The following ENTPD4 variants were observed in gnomAD, a reference collection of about 807,000 sequenced individuals.
ENTPD4 encodes Golgi UDPase.
A neutral mutation model predicts 79.1 loss-of-function variants in ENTPD4; 60 were observed. The ratio of observed to expected loss-of-function variants is 0.76; its 90% confidence interval spans 0.62 to 0.94. The LOEUF (loss-of-function observed/expected upper bound fraction) is 0.94, where lower values mean the gene tolerates loss of function less well. Among genes scored for constraint, ENTPD4 ranks in the 40% least tolerant of loss-of-function variants. ENTPD4 has a pLI of 0.00. For missense variants in ENTPD4, 772 were observed against 775.1 expected (o/e 1.00, Z 0.05); for synonymous variants, 276 against 292.0 (o/e 0.95, Z 0.56).
Position 23,447,883 on chromosome 8 carries a change from T to G in ENTPD4, c.209A>C (p.Tyr70Ser). ...TTCAATGTCGGTAACTCGTGCCAGG[T>G]ACCTTGTATAGAAACACACGTATGC... ...RLTRDKKFQR[Y>S]LARVTDIEAT... The change falls in exon 4 of 13, where the codon TAC becomes TCC. Residue 70 changes from tyrosine (Y) to serine (S), a missense_variant and splice_region_variant. Tyr to Ser is a moderately radical substitution (Grantham distance 144). Transcript: ENST00000358689. 6.2e-7 allele frequency: 1 copy of G among 1,613,702 alleles called. No homozygotes were observed. The highest frequency in any genetic ancestry group is 8.5e-7 in the Non-Finnish European group (1 of 1,179,568).
At position 23,430,549 on chromosome 8, in the gene ENTPD4, C is replaced by G. The variant is rs1585397201; in HGVS notation, c.*2377G>C. 1 of 983,988 alleles carries G rather than the reference C, an allele frequency of 1.0e-6. No homozygotes were observed. Among genetic ancestry groups the G allele is most frequent in the Non-Finnish European group, 1.2e-6 (1 of 828,774 alleles). 61.0% of individuals were successfully genotyped at this position (983,988 alleles called of 1,614,324 possible). ...ATTTTAGTAAATATTCTAGGCTTTACAGGCCACATATAGTGTCTGCTGCAT... is the reference window on the plus strand; with the variant it reads ...ATTTTAGTAAATATTCTAGGCTTTAGAGGCCACATATAGTGTCTGCTGCAT... On this transcript the variant is annotated 3_prime_UTR_variant, in exon 13 of 13. Transcript: ENST00000358689.
intron 1 of ENTPD4, among the ~76,000 whole-genome samples, chr8:23,453,199 T>G (rs1343520007): frequency 6.6e-6 from 1 of 152,208 alleles, no homozygotes; most frequent in African/African-American, 2.4e-5. Flanking sequence ...TTAGTTCAAG[T>G]TTTAATATGG....
chr8:23,452,803 A>G (rs948320268), intron 1 of ENTPD4, among the ~76,000 whole-genome samples: 4 of 152,244 alleles, frequency 2.6e-5, no homozygotes, highest in African/African-American at 9.6e-5. Context: ...TGCATTCCTA[A>G]GAATCAATGC....
intron 8 of ENTPD4, 27 bp downstream of exon 8, chr8:23,441,542 C>A (rs1296720502): frequency 1.4e-5 from 22 of 1,604,494 alleles, no homozygotes; most frequent in Non-Finnish European, 1.8e-5. Context: ...CCAAACCAAA[C>A]AGAAGGAAAT....
chr8:23,448,611 T>C (rs1389427954), intron 3 of ENTPD4, 131 bp downstream of exon 3: 10 of 727,818 alleles, frequency 1.4e-5, no homozygotes, highest in African/African-American at 8.9e-5. Flanking sequence ...TCCCAACCTC[T>C]AGAACAGTTA....
intron 11 of ENTPD4, among the ~76,000 whole-genome samples, chr8:23,435,089 G>T (rs1800531780): frequency 6.6e-6 from 1 of 152,220 alleles, no homozygotes; most frequent in Admixed American, 6.5e-5. Flanking sequence ...TGATTGAGGG[G>T]ACAGAGGAAG....
intron 12 of ENTPD4, among the ~76,000 whole-genome samples, chr8:23,433,415 C>A (rs539285128): frequency 6.6e-6 from 1 of 152,184 alleles, no homozygotes; most frequent in Middle Eastern, 3.2e-3. Context: ...GTGAAGGTTT[C>A]GCTGATACAA....
At position 23,448,774 on chromosome 8, in the gene ENTPD4, A is replaced by G. The variant is rs747800039; in HGVS notation, c.174T>C (p.Tyr58=). The change falls in exon 3 of 13, where the codon TAT becomes TAC. Residue 58 remains tyrosine, a synonymous_variant. Coordinates refer to ENST00000358689, the MANE Select transcript of ENTPD4 (RefSeq NM_004901.5). Reference sequence around the variant, plus strand: ...ATTTCTTGTCTCTGGTTAGTCGCCCATACTTATTTCGGATTATGACAACAG... The same window carrying G: ...ATTTCTTGTCTCTGGTTAGTCGCCCGTACTTATTTCGGATTATGACAACAG... ...YFSVVIIRNK[Y]GRLTRDKKFQ... is the part of the protein sequence containing the mutation. The G allele has an allele frequency of 9.3e-6, 15 of 1,614,072 alleles. No individual in the cohort carries two copies. The East Asian group carries it at 3.1e-4, about 34-fold the overall frequency.
rs1400496799 is a variant in ENTPD4 at position 23,431,702 on chromosome 8, G to C, written c.*1224C>G. On this transcript the variant is annotated 3_prime_UTR_variant, in exon 13 of 13. Transcript: ENST00000358689. ...TGACTTTTAATTAAGGGGGGTGGGG[G>C]AAACACCAATTGGAAGCTGGAAGAA... The C allele has an allele frequency of 1.0e-6, 1 of 985,382 alleles. No individual in the cohort carries two copies. The highest frequency in any genetic ancestry group is 1.2e-6 in the Non-Finnish European group (1 of 830,064). The allele number at this position is 985,382 out of a possible 1,614,324, so 61.0% of individuals were successfully genotyped here. A position where few individuals can be genotyped will look rare whatever the true frequency, so the allele number is the denominator to read the frequency against.
At position 23,430,715 on chromosome 8, in the gene ENTPD4, A is replaced by G; in HGVS notation, c.*2211T>C. 1 of 985,486 alleles carries G rather than the reference A, an allele frequency of 1.0e-6. No homozygotes were observed. The highest frequency in any genetic ancestry group is 1.2e-6 in the Non-Finnish European group (1 of 829,984). 61.0% of individuals were successfully genotyped at this position (985,486 alleles called of 1,614,324 possible). A position where few individuals can be genotyped will look rare whatever the true frequency, so the allele number is the denominator to read the frequency against. ...TAACTCTTCTATGCCCAGAGCTGGA[A>G]GGCGGGGTCCCCTAACTCCCTGGGT... On this transcript the variant is annotated 3_prime_UTR_variant, in exon 13 of 13. Transcript: ENST00000358689.
At chr8:23,441,202 T>C (rs778291898) in intron 8 of ENTPD4, among the ~76,000 whole-genome samples, 70 of 151,778 alleles carry the variant, frequency 4.6e-4, no homozygotes, top group Admixed American at 2.8e-3. Context: ...TCTGAACCAT[T>C]AAAAAAAAGA....
chr8:23,440,147 C>T (rs1232560059), intron 8 of ENTPD4: 2 of 457,982 alleles, frequency 4.4e-6, no homozygotes, highest in Non-Finnish European at 7.8e-6. Flanking sequence ...AGAAAGTCAG[C>T]AAAATAGTTC....
At chr8:23,457,389 G>T (rs1342997644) in intron 1 of ENTPD4, among the ~76,000 whole-genome samples, 168 bp downstream of exon 1, 1 of 152,106 alleles carries the variant, frequency 6.6e-6, no homozygotes, top group Non-Finnish European at 1.5e-5. Flanking sequence ...GCGCGGCAGG[G>T]GAGGCGGGAA....
intron 8 of ENTPD4, among the ~76,000 whole-genome samples, chr8:23,440,548 G>T (rs944440923): frequency 6.6e-6 from 1 of 152,082 alleles, no homozygotes; most frequent in Non-Finnish European, 1.5e-5. Context: ...TTTATATTGA[G>T]AGGGAAAAAC....
At chr8:23,450,732 T>C (rs116483180) in intron 1 of ENTPD4, among the ~76,000 whole-genome samples, 249 of 152,264 alleles carry the variant, frequency 1.6e-3, no homozygotes, top group African/African-American at 5.3e-3. Context: ...CTACAATCAT[T>C]ACTGAGGCTT....
intron 1 of ENTPD4, among the ~76,000 whole-genome samples, chr8:23,451,172 T>A (rs942156794): frequency 2.6e-5 from 4 of 151,710 alleles, no homozygotes; most frequent in Non-Finnish European, 5.9e-5. Flanking sequence ...CAGGCGCCCG[T>A]CACCACTCCC....
intron 3 of ENTPD4, among the ~76,000 whole-genome samples, chr8:23,448,505 C>T (rs1245879733): frequency 1.3e-5 from 2 of 152,176 alleles, no homozygotes; most frequent in African/African-American, 2.4e-5. Flanking sequence ...ACCCCCTTTC[C>T]ATCATGTGAG....
intron 4 of ENTPD4, among the ~76,000 whole-genome samples, chr8:23,445,347 C>A (rs1800747330): frequency 6.6e-6 from 1 of 152,162 alleles, no homozygotes; most frequent in Admixed American, 6.5e-5. Context: ...CCAAAGGATG[C>A]CTCTTCAGGC....
At chr8:23,450,884 T>C (rs1800847695) in intron 1 of ENTPD4, among the ~76,000 whole-genome samples, 1 of 152,142 alleles carries the variant, frequency 6.6e-6, no homozygotes, top group South Asian at 2.1e-4. Context: ...ACAACTGCAA[T>C]CTTCTCCCCT....
Sources: allele counts gnomAD v4.1 joint callset (sites outside exome capture counted in the v4.1 genomes callset), GRCh38; gene constraint gnomAD v4.1.1; transcripts MANE v1.5; gene names NCBI Gene and HGNC (gene_info 2026-07-23, HGNC 2026-07-21).